Variants in LRP1B observed in about 807,000 individuals in gnomAD.
LRP1B encodes low-density lipoprotein receptor-related protein 1B.
In LRP1B, 217 loss-of-function variants were observed where a neutral mutation model predicts 556.6. The observed-to-expected ratio is 0.39, with a 90% CI of 0.35 to 0.44. The LOEUF is 0.44. Among genes scored for constraint, LRP1B ranks in the 20% least tolerant of loss-of-function variants. LRP1B has a pLI of 1.00. For synonymous variants in LRP1B, 2,047 were observed against 1,865.8 expected (o/e 1.10, Z -2.50); for missense variants, 5,053 against 5,620.8 (o/e 0.90, Z 3.23).
chr2:140,572,064 T>G (rs973380519), intron 43 of LRP1B, among the ~76,000 whole-genome samples: 1 of 151,608 alleles, frequency 6.6e-6, no homozygotes, highest in Non-Finnish European at 1.5e-5. Context: ...AGGAAATGCT[T>G]TAAGATATTA....
intron 1 of LRP1B, among the ~76,000 whole-genome samples, chr2:141,895,804 G>A (rs1367013437): frequency 1.3e-5 from 2 of 152,096 alleles, no homozygotes; most frequent in African/African-American, 2.4e-5. Flanking sequence ...ATTTTATGCT[G>A]TTGAGAAAGA....
chr2:140,708,765 A>G (rs1415250517), intron 37 of LRP1B, among the ~76,000 whole-genome samples: 7 of 152,068 alleles, frequency 4.6e-5, no homozygotes, highest in African/African-American at 1.7e-4. Context: ...CTATGAATTT[A>G]CCAAATATTT....
chr2:140,890,819 T>G (rs1693775326), intron 23 of LRP1B, among the ~76,000 whole-genome samples: 1 of 151,944 alleles, frequency 6.6e-6, no homozygotes. Flanking sequence ...CTTACAATGG[T>G]TTTTACTTTA....
chr2:140,726,788 T>C (rs1034890891), intron 35 of LRP1B, among the ~76,000 whole-genome samples: 21 of 151,616 alleles, frequency 1.4e-4, no homozygotes, highest in African/African-American at 5.1e-4. Flanking sequence ...AAGTGTAATA[T>C]GTGCATTTTA....
intron 3 of LRP1B, among the ~76,000 whole-genome samples, chr2:141,405,861 C>T (rs1690613941): frequency 6.6e-6 from 1 of 151,924 alleles, no homozygotes; most frequent in Admixed American, 6.6e-5. Flanking sequence ...ATAACTGTGT[C>T]AAAAGTATTT....
At chr2:140,686,068 A>G (rs191054487) in intron 41 of LRP1B, among the ~76,000 whole-genome samples, 6 of 152,290 alleles carry the variant, frequency 3.9e-5, no homozygotes, top group East Asian at 1.9e-4. Flanking sequence ...TGGGAAGGCC[A>G]TAAAGTCCTT....
chr2:140,566,757 G>T (rs376731135), intron 43 of LRP1B, among the ~76,000 whole-genome samples: 1 of 152,166 alleles, frequency 6.6e-6, no homozygotes, highest in South Asian at 2.1e-4. Context: ...TGCCTGAGCT[G>T]AAGCAGTATC....
chr2:140,587,423 G>T (rs1307886182), intron 43 of LRP1B, among the ~76,000 whole-genome samples: 1 of 152,184 alleles, frequency 6.6e-6, no homozygotes, highest in Non-Finnish European at 1.5e-5. Context: ...ATTGTGATTT[G>T]TGACAACATG....
chr2:141,570,258 G>A (rs1686479503), intron 2 of LRP1B, among the ~76,000 whole-genome samples: 2 of 151,036 alleles, frequency 1.3e-5, no homozygotes, highest in Admixed American at 1.3e-4. Flanking sequence ...GAAGCCTGGT[G>A]TGACCCATGG....
chr2:141,624,758 G>A (rs1367905619), intron 2 of LRP1B, among the ~76,000 whole-genome samples: 1 of 151,920 alleles, frequency 6.6e-6, no homozygotes, highest in Admixed American at 6.6e-5. Context: ...ATTTATTTAT[G>A]TATTTATTTA....
intron 7 of LRP1B, among the ~76,000 whole-genome samples, chr2:141,118,431 AAC>A (rs1700960598): frequency 6.6e-6 from 1 of 151,894 alleles, no homozygotes; most frequent in South Asian, 2.1e-4. Flanking sequence ...TTTTTAACAA[AAC>A]ACATCATTCT....
chr2:140,691,975 ATTTC>A (rs1686259526), intron 41 of LRP1B, among the ~76,000 whole-genome samples: 1 of 152,000 alleles, frequency 6.6e-6, no homozygotes, highest in African/African-American at 2.4e-5. Context: ...TCTCAATACC[ATTTC>A]TTTTTTTCTT....
chr2:140,627,994 A>G (rs928081624), intron 41 of LRP1B, among the ~76,000 whole-genome samples: 23 of 152,180 alleles, frequency 1.5e-4, no homozygotes, highest in African/African-American at 4.8e-4. Flanking sequence ...ACTAATCTGA[A>G]CAGTTGTTAA....
intron 2 of LRP1B, among the ~76,000 whole-genome samples, chr2:141,700,335 C>A (rs1299035520): frequency 6.6e-6 from 1 of 151,628 alleles, no homozygotes; most frequent in African/African-American, 2.4e-5. Flanking sequence ...CTTCTGTATT[C>A]CCAGTGCTTG....
rs183545717 is a variant in LRP1B, at chr2:140,460,288, C to A, written c.9626-2637G>T. ...ATTTTCCAGCCTCCAGAACCATGAG[C>A]CAACTAAACTTATTTTCTTTGTAAA... On this transcript the variant is annotated intron_variant, in intron 60 of 90. Transcript: ENST00000389484. Among the ~76,000 whole-genome samples the A allele has an allele frequency of 3.6e-3, 552 of 152,186 alleles. 20 individuals carry two copies. The highest frequency in any genetic ancestry group is 0.034 in the Admixed American group (527 of 15,282).
At chr2:140,587,817 G>A (rs1018573559) in intron 43 of LRP1B, among the ~76,000 whole-genome samples, 3 of 151,074 alleles carry the variant, frequency 2.0e-5, no homozygotes, top group Admixed American at 1.3e-4. Flanking sequence ...GAAAACTAGA[G>A]ACAAGAAGCA....
intron 37 of LRP1B, among the ~76,000 whole-genome samples, chr2:140,712,116 G>C (rs951632401): frequency 1.3e-5 from 2 of 151,960 alleles, no homozygotes; most frequent in Non-Finnish European, 2.9e-5. Flanking sequence ...GATTATCCTG[G>C]GGCCACTTGA....
intron 2 of LRP1B, among the ~76,000 whole-genome samples, chr2:141,673,384 A>G (rs986685276): frequency 1.3e-5 from 2 of 152,072 alleles, no homozygotes; most frequent in African/African-American, 4.8e-5. Flanking sequence ...TTTGTCTCCT[A>G]CTCTACAAGA....
rs565068025 is a variant in LRP1B, at chr2:141,120,162, T to C, written c.1014-57889A>G. ...GCAAGGAATTTCAGATTTGAAATTA[T>C]CTTTTTAAACAAATCAAGGCATGGA... is the stretch of plus-strand genomic sequence containing the variant. On this transcript the variant is annotated intron_variant, in intron 7 of 90. Transcript: ENST00000389484. Among the ~76,000 whole-genome samples the C allele has an allele frequency of 7.9e-5, 12 of 152,038 alleles. No individual in the cohort carries two copies. The South Asian group carries it at 2.1e-3, about 26-fold the overall frequency.
Sources: gnomAD v4.1 joint callset for allele counts (sites outside exome capture counted in the v4.1 genomes callset) on GRCh38, gnomAD v4.1.1 for gene constraint, MANE v1.5 for transcripts, NCBI Gene and HGNC (gene_info 2026-07-23, HGNC 2026-07-21) for gene names.